ZBTB9: variants seen among roughly 807,000 people sequenced by gnomAD.
ZBTB9 encodes the protein zinc finger and BTB domain-containing protein 9.
ZBTB9 carries 17 observed loss-of-function variants against 26.3 expected under a neutral mutation model. The ratio of observed to expected loss-of-function variants is 0.65; its 90% confidence interval spans 0.44 to 0.97. The LOEUF is 0.97. ZBTB9 is among the 50% of genes least tolerant of loss of function. The pLI, the probability that ZBTB9 is intolerant of heterozygous loss-of-function variation, is 0.00. For synonymous variants in ZBTB9, 226 were observed against 234.3 expected (o/e 0.96, Z 0.32); for missense variants, 510 against 594.2 (o/e 0.86, Z 1.47).
In ZBTB9 at chr6:33,456,516, C is replaced by A. The variant is rs559969711; in HGVS notation, c.1416C>A (p.Tyr472Ter). 8 of 1,605,106 alleles carry A rather than the reference C, an allele frequency of 5.0e-6. No homozygotes were observed. The East Asian group carries it at 1.1e-4, about 22-fold the overall frequency. ...GQGWATAHWT[Y>*]K Reference sequence around the variant, plus strand: ...GCTGGGCCACTGCCCACTGGACTTACAAGTGACTGCTGAGGCTATACACTA... The same window carrying A: ...GCTGGGCCACTGCCCACTGGACTTAAAAGTGACTGCTGAGGCTATACACTA... The change falls in exon 2 of 2, where the codon TAC (tyrosine) becomes TAA (stop). Residue 472 changes from tyrosine (Y) to a stop codon, truncating the protein, a stop_gained. Transcript: ENST00000395064. LOFTEE classifies it high-confidence loss of function. This position sits in a 1 kb window ranked among gnomAD's most constrained non-coding sequence, Gnocchi z 5.1.
chr6:33,454,468 G>A (rs183026120), upstream of ZBTB9: 28 of 153,370 alleles, frequency 1.8e-4, no homozygotes, highest in African/African-American at 6.0e-4. Context: ...CGCCCTCCTC[G>A]TCTGCAGTAG....
rs771608558 is a variant in ZBTB9 at position 33,456,487 on chromosome 6, C to T, written c.1387C>T (p.Gln463Ter). The T allele has an allele frequency of 3.1e-6, 5 of 1,613,008 alleles. No individual in the cohort carries two copies. Among genetic ancestry groups the T allele is most frequent in the Non-Finnish European group, 4.2e-6 (5 of 1,179,422 alleles). Reference sequence around the variant, plus strand: ...CCGCCACCGGGACCTATGCAAGGGCCAGGGCTGGGCCACTGCCCACTGGAC... The same window carrying T: ...CCGCCACCGGGACCTATGCAAGGGCTAGGGCTGGGCCACTGCCCACTGGAC... The part of the protein sequence containing the change: ...FLRHRDLCKG[Q>*]GWATAHWTYK Residue 463 changes from glutamine to a stop codon, truncating the protein, a stop_gained, in exon 2 of 2, where the codon CAG (glutamine) becomes TAG (stop). Transcript: ENST00000395064. LOFTEE classifies it high-confidence loss of function. The surrounding 1 kb of genome is among the most constrained non-coding windows in gnomAD (Gnocchi z 5.1).
chr6:33,453,955 TAA>T (rs1202000137), upstream of ZBTB9: 3 of 152,260 alleles, frequency 2.0e-5, no homozygotes, highest in Admixed American at 2.0e-4. Flanking sequence ...CGTTATCTGA[TAA>T]AAGAGTTCAT....
intron 1 of ZBTB9, 92 bp downstream of exon 1, chr6:33,454,867 GTT>G (rs1211973911): frequency 9.1e-6 from 5 of 548,540 alleles, no homozygotes; most frequent in African/African-American, 2.5e-5. Context: ...GGTGGTGGTT[GTT>G]GTTGTTGTTT....
chr6:33,455,792 T>A lies in ZBTB9; in HGVS notation c.692T>A (p.Leu231His). The stretch of plus-strand genomic sequence containing the variant: ...GATGAGGACCAGGGGTCAGCCACAC[T>A]CTCTCAGACTCCTCAGCCCCAGAGA... The part of the protein sequence containing the change: ...DDDEDQGSAT[L>H]SQTPQPQRVS... The change falls in exon 2 of 2, where the codon CTC becomes CAC. Residue 231 changes from leucine (L) to histidine (H), a missense_variant. Leu to His is a moderately conservative substitution (Grantham distance 99, BLOSUM62 -3). Around this residue, in one of 2 missense-constraint regions of ZBTB9, gnomAD observed 439 missense variants for 460.4 expected, o/e 0.95. Coordinates refer to ENST00000395064, the MANE Select transcript of ZBTB9 (RefSeq NM_152735.4). 3 of 1,611,492 alleles carry A rather than the reference T, an allele frequency of 1.9e-6. No individual in the cohort carries two copies. The highest frequency in any genetic ancestry group is 2.2e-5 in the South Asian group (2 of 90,666).
In ZBTB9 at chr6:33,456,788, C is replaced by T. The variant is rs934762923; in HGVS notation, c.*266C>T. 2.2e-6 allele frequency: 1 copy of T among 456,354 alleles called. No homozygotes were observed. The highest frequency in any genetic ancestry group is 2.0e-5 in the African/African-American group (1 of 50,168). 28.3% of individuals were successfully genotyped at this position (456,354 alleles called of 1,614,324 possible). On this transcript the variant is annotated 3_prime_UTR_variant, in exon 2 of 2. Coordinates refer to ENST00000395064, the MANE Select transcript of ZBTB9 (RefSeq NM_152735.4). This position sits in a 1 kb window ranked among gnomAD's most constrained non-coding sequence, Gnocchi z 5.1. ...TTCATACTTAAGTTGATCACTTGCC[C>T]ATGGTGGACATTTTTGTGGTGGTGA...
chr6:33,455,597 C>T lies in ZBTB9; in HGVS notation c.497C>T (p.Thr166Ile). Reference sequence around the variant, plus strand: ...GCCCTTCTTTCCACTACATCCTCTACAGGAGGCTGGTGCATTCGCTCTTCG... The same window carrying T: ...GCCCTTCTTTCCACTACATCCTCTATAGGAGGCTGGTGCATTCGCTCTTCG... ...YHALLSTTSS[T>I]GGWCIRSSPF... Residue 166 changes from threonine (T) to isoleucine (I), a missense_variant, in exon 2 of 2, where the codon ACA becomes ATA. Physicochemically the swap from Thr to Ile is moderately conservative, Grantham distance 89. Transcript: ENST00000395064. 1 of 1,613,858 alleles carries T rather than the reference C, an allele frequency of 6.2e-7. No homozygotes were observed. The highest frequency in any genetic ancestry group is 1.1e-5 in the South Asian group (1 of 91,068).
chr6:33,456,673 C>T lies in ZBTB9; in HGVS notation c.*151C>T, dbSNP rs1408125385. ...GGACCTCTTGTTCTTAGATATGGGC[C>T]TCTCAGCCTGGCAGATGTGGAAACT... On this transcript the variant is annotated 3_prime_UTR_variant, in exon 2 of 2. Coordinates refer to ENST00000395064, the MANE Select transcript of ZBTB9 (RefSeq NM_152735.4). This position sits in a 1 kb window ranked among gnomAD's most constrained non-coding sequence, Gnocchi z 5.1. 3.0e-6 allele frequency: 4 copies of T among 1,336,502 alleles called. No homozygotes were observed. The highest frequency in any genetic ancestry group is 3.9e-6 in the Non-Finnish European group (4 of 1,015,290). The allele number at this position is 1,336,502 out of a possible 1,614,324, so 82.8% of individuals were successfully genotyped here.
rs1365677486 is a variant in ZBTB9 at position 33,457,133 on chromosome 6, C to CA, written c.*613dup. On this transcript the variant is annotated 3_prime_UTR_variant, in exon 2 of 2. Transcript: ENST00000395064. ...TTAATGTTGTAGCTGAGCACTTTAA[C>CA]AAGTTGAGCATTCCATGTTTCATTC... The CA allele has an allele frequency of 6.0e-6, 1 of 167,156 alleles. No individual in the cohort carries two copies. Among genetic ancestry groups the CA allele is most frequent in the African/African-American group, 2.4e-5 (1 of 41,456 alleles). 10.4% of individuals were successfully genotyped at this position (167,156 alleles called of 1,614,324 possible).
rs1161080163 is a variant in ZBTB9 at position 33,455,967 on chromosome 6, C to T, written c.867C>T (p.Pro289=). 6 of 1,613,344 alleles carry T rather than the reference C, an allele frequency of 3.7e-6. No individual in the cohort carries two copies. The African/African-American group carries it at 5.3e-5, about 14-fold the overall frequency. Residue 289 remains proline, a synonymous_variant, in exon 2 of 2, where the codon CCC becomes CCT. Transcript: ENST00000395064. Reference sequence around the variant, plus strand: ...AAATCTTCTACATTAAGCAGGAACCCTTCGAGCCTAAGGAGGAGATATCAG... The same window carrying T: ...AAATCTTCTACATTAAGCAGGAACCTTTCGAGCCTAAGGAGGAGATATCAG... ...PPKIFYIKQE[P]FEPKEEISGS...
chr6:33,456,682 TG>T lies in ZBTB9; in HGVS notation c.*162del. 7.7e-7 allele frequency: 1 copy of T among 1,298,228 alleles called. No individual in the cohort carries two copies. The highest frequency in any genetic ancestry group is 1.0e-6 in the Non-Finnish European group (1 of 985,878). 80.4% of individuals were successfully genotyped at this position (1,298,228 alleles called of 1,614,324 possible). ...GTTCTTAGATATGGGCCTCTCAGCC[TG>T]GCAGATGTGGAAACTCAAATTTCTC... On this transcript the variant is annotated 3_prime_UTR_variant, in exon 2 of 2. Coordinates refer to ENST00000395064, the MANE Select transcript of ZBTB9 (RefSeq NM_152735.4). The surrounding 1 kb of genome is among the most constrained non-coding windows in gnomAD (Gnocchi z 5.1).
Position 33,455,827 on chromosome 6 carries a change from G to GT in ZBTB9, c.732dup (p.Pro245SerfsTer22), listed in dbSNP as rs1465995946. ...TCCTCAGCCCCAGAGAGTATCAGGG[G>GT]TTTTTCCCCGTCCTCATGGACCCCA... On this transcript the variant is annotated frameshift_variant, in exon 2 of 2. Coordinates refer to ENST00000395064, the MANE Select transcript of ZBTB9 (RefSeq NM_152735.4). LOFTEE classifies it high-confidence loss of function. 1.2e-6 allele frequency: 2 copies of GT among 1,610,866 alleles called. No individual in the cohort carries two copies. The highest frequency in any genetic ancestry group is 2.7e-5 in the African/African-American group (2 of 74,862).
At position 33,456,388 on chromosome 6, in the gene ZBTB9, A is replaced by T; in HGVS notation, c.1288A>T (p.Met430Leu). The change falls in exon 2 of 2, where the codon ATG (methionine) becomes TTG (leucine). Residue 430 changes from methionine to leucine, a missense_variant. Transcript: ENST00000395064. The surrounding 1 kb of genome is among the most constrained non-coding windows in gnomAD (Gnocchi z 5.1). ...GCTGAAGCACCATCTGACAGAGCACATGAAGACCCATGCTGGAGCCCTGCA... is the reference window on the plus strand; with the variant it reads ...GCTGAAGCACCATCTGACAGAGCACTTGAAGACCCATGCTGGAGCCCTGCA... ...FKLKHHLTEH[M>L]KTHAGALHAC... 1 of 1,614,160 alleles carries T rather than the reference A, an allele frequency of 6.2e-7. No individual in the cohort carries two copies. The highest frequency in any genetic ancestry group is 8.5e-7 in the Non-Finnish European group (1 of 1,180,040).
chr6:33,455,514 T>TA lies in ZBTB9; in HGVS notation c.415dup (p.Arg139LysfsTer49). 1 of 1,614,174 alleles carries TA rather than the reference T, an allele frequency of 6.2e-7. No homozygotes were observed. The highest frequency in any genetic ancestry group is 8.5e-7 in the Non-Finnish European group (1 of 1,180,014). On this transcript the variant is annotated frameshift_variant, in exon 2 of 2. Transcript: ENST00000395064. LOFTEE classifies it high-confidence loss of function. Reference sequence around the variant, plus strand: ...TAGTAGATCAGTGCTCAGAAATTCTTAGAGAATTAGAAACTTCAGGTGGTG... The same window carrying TA: ...TAGTAGATCAGTGCTCAGAAATTCTTAAGAGAATTAGAAACTTCAGGTGGTG...
chr6:33,456,715 C>A lies in ZBTB9; in HGVS notation c.*193C>A. ...GTGGAAACTCAAATTTCTCGTCCCA[C>A]TCCAGGTTTTGGCTAGCCAACCCTG... is the stretch of plus-strand genomic sequence containing the variant. On this transcript the variant is annotated 3_prime_UTR_variant, in exon 2 of 2. Transcript: ENST00000395064. The surrounding 1 kb of genome is among the most constrained non-coding windows in gnomAD (Gnocchi z 5.1). 8.9e-7 allele frequency: 1 copy of A among 1,129,252 alleles called. No individual in the cohort carries two copies. The highest frequency in any genetic ancestry group is 1.2e-6 in the Non-Finnish European group (1 of 839,036). 70.0% of individuals were successfully genotyped at this position (1,129,252 alleles called of 1,614,324 possible).
chr6:33,456,239 A>T lies in ZBTB9; in HGVS notation c.1139A>T (p.Asp380Val). 6.2e-7 allele frequency: 1 copy of T among 1,613,124 alleles called. No homozygotes were observed. The highest frequency in any genetic ancestry group is 8.5e-7 in the Non-Finnish European group (1 of 1,179,692). The change falls in exon 2 of 2, where the codon GAT becomes GTT. Residue 380 changes from aspartate to valine, a missense_variant. By Grantham distance (152) the Asp-to-Val change is radical. Transcript: ENST00000395064. This position sits in a 1 kb window ranked among gnomAD's most constrained non-coding sequence, Gnocchi z 5.1. The part of the protein sequence containing the change: ...PVKLGGTPPA[D>V]GKRFGCLCGK... ...AAGCTAGGGGGGACACCCCCTGCAG[A>T]TGGAAAACGCTTTGGTTGCCTGTGT...
rs1761455863 is a variant in ZBTB9, at chr6:33,455,178, G to A, written c.78G>A (p.Glu26=). 1.2e-6 allele frequency: 2 copies of A among 1,613,998 alleles called. No individual in the cohort carries two copies. The highest frequency in any genetic ancestry group is 3.3e-5 in the Admixed American group (2 of 59,990). The change falls in exon 2 of 2, where the codon GAG becomes GAA. Residue 26 remains glutamate (E), a synonymous_variant. Coordinates refer to ENST00000395064, the MANE Select transcript of ZBTB9 (RefSeq NM_152735.4). ...CNPAPRTIQI[E]FPQHSSSLLE... is the part of the protein sequence containing the mutation. ...CAGCCCCACGGACAATCCAGATCGA[G>A]TTCCCACAGCATAGCTCGTCTCTGC...
chr6:33,455,733 G>GGAA lies in ZBTB9; in HGVS notation c.642_644dup (p.Glu219dup). ...TGGGAGAAGTGCTGCAAATTCAGGT[G>GGAA]GAAGAAGAAGAGGAGGAGGAGGAAG... On this transcript the variant is annotated inframe_insertion, in exon 2 of 2. Coordinates refer to ENST00000395064, the MANE Select transcript of ZBTB9 (RefSeq NM_152735.4). The GGAA allele has an allele frequency of 6.2e-7, 1 of 1,614,092 alleles. No individual in the cohort carries two copies. Among genetic ancestry groups the GGAA allele is most frequent in the Non-Finnish European group, 8.5e-7 (1 of 1,179,980 alleles).
Position 33,456,217 on chromosome 6 carries a change from C to T in ZBTB9, c.1117C>T (p.Leu373=). ...CCAGGCCGTGCATGGGCCTGTGAAG[C>T]TAGGGGGGACACCCCCTGCAGATGG... ...AGQAVHGPVK[L]GGTPPADGKR... is the part of the protein sequence containing the mutation. The change falls in exon 2 of 2, where the codon CTA becomes TTA. Residue 373 remains leucine (L), a synonymous_variant. Coordinates refer to ENST00000395064, the MANE Select transcript of ZBTB9 (RefSeq NM_152735.4). This position sits in a 1 kb window ranked among gnomAD's most constrained non-coding sequence, Gnocchi z 5.1. The T allele has an allele frequency of 6.2e-7, 1 of 1,611,770 alleles. No homozygotes were observed. Among genetic ancestry groups the T allele is most frequent in the Non-Finnish European group, 8.5e-7 (1 of 1,179,144 alleles).
Sources: allele counts gnomAD v4.1 joint callset, GRCh38; gene constraint gnomAD v4.1.1; regional missense constraint gnomAD v4.1.1; non-coding constraint Gnocchi (gnomAD v3.1); transcripts MANE v1.5; gene names NCBI Gene and HGNC (gene_info 2026-07-23, HGNC 2026-07-21).